The following NCAM2 variants were observed in gnomAD, a reference collection of about 807,000 sequenced individuals.
NCAM2 encodes N-CAM-2.
NCAM2 carries 30 observed loss-of-function variants against 98.1 expected under a neutral mutation model. The ratio of observed to expected loss-of-function variants is 0.31; its 90% CI spans 0.23 to 0.41. NCAM2 has a LOEUF of 0.41. NCAM2 is among the 10% of genes least tolerant of loss of function. NCAM2 has a pLI of 1.00. For missense variants in NCAM2, 867 were observed against 1,005.8 expected, an observed-to-expected ratio of 0.86 and a Z score of 1.87; for synonymous variants, 368 against 342.4, an observed-to-expected ratio of 1.07 and a Z score of -0.83.
intron 1 of NCAM2, among the ~76,000 whole-genome samples, chr21:21,271,081 G>T (rs2072481321): frequency 6.6e-6 from 1 of 151,792 alleles, no homozygotes; most frequent in Non-Finnish European, 1.5e-5. Context: ...GTGTATGTTT[G>T]AAATGAAAAA....
At chr21:21,279,280 C>A (rs1483519686) in intron 1 of NCAM2, among the ~76,000 whole-genome samples, 1 of 152,174 alleles carries the variant, frequency 6.6e-6, no homozygotes, top group Non-Finnish European at 1.5e-5. Context: ...TTGTAATCTC[C>A]CTTCACCATT....
intron 1 of NCAM2, among the ~76,000 whole-genome samples, chr21:21,017,424 CAAAAAAAA>C (rs11461275): frequency 5.1e-5 from 3 of 58,780 alleles, no homozygotes; most frequent in East Asian, 6.3e-4. Flanking sequence ...GACTCTGTCT[CAAAAAAAA>C]AAAAAAAAAA....
intron 5 of NCAM2, among the ~76,000 whole-genome samples, chr21:21,297,454 C>T (rs1235799303): frequency 6.6e-6 from 1 of 151,676 alleles, no homozygotes; most frequent in African/African-American, 2.4e-5. Flanking sequence ...AAATGCTTTC[C>T]TCATATCATC....
chr21:21,336,639 A>G (rs961822347), intron 7 of NCAM2, among the ~76,000 whole-genome samples: 6 of 152,258 alleles, frequency 3.9e-5, no homozygotes, highest in Non-Finnish European at 8.8e-5. Context: ...ATGAATGGTA[A>G]TCCCTGCGTG....
chr21:21,318,599 G>A (rs994505694), intron 5 of NCAM2, among the ~76,000 whole-genome samples: 6 of 152,052 alleles, frequency 3.9e-5, no homozygotes, highest in African/African-American at 9.7e-5. Flanking sequence ...TGTTAGTATA[G>A]AAAATTGTAT....
At chr21:21,498,699 A>G (rs1987421137) in intron 15 of NCAM2, among the ~76,000 whole-genome samples, 1 of 152,222 alleles carries the variant, frequency 6.6e-6, no homozygotes, top group South Asian at 2.1e-4. Context: ...AGATTAGAAC[A>G]CAAAAGAAGT....
At chr21:21,374,501 C>T (rs1026466335) in intron 9 of NCAM2, among the ~76,000 whole-genome samples, 2 of 151,618 alleles carry the variant, frequency 1.3e-5, no homozygotes, top group Non-Finnish European at 2.9e-5. Context: ...TGTTTATTTT[C>T]TGTCTGGAAG....
intron 12 of NCAM2, among the ~76,000 whole-genome samples, chr21:21,449,255 TTATG>T (rs1213664302): frequency 6.6e-6 from 1 of 151,904 alleles, no homozygotes; most frequent in African/African-American, 2.4e-5. Flanking sequence ...TGATATTAAT[TTATG>T]TAAGAAAAAT....
chr21:21,452,637 T>C (rs1981339376), intron 12 of NCAM2, among the ~76,000 whole-genome samples: 2 of 112,100 alleles, frequency 1.8e-5, no homozygotes, highest in Non-Finnish European at 3.3e-5. Context: ...ATATATTATA[T>C]ATTATATATA....
At chr21:21,234,369 T>A (rs187968177) in intron 1 of NCAM2, among the ~76,000 whole-genome samples, 2 of 152,054 alleles carry the variant, frequency 1.3e-5, no homozygotes, top group East Asian at 3.9e-4. Flanking sequence ...ACATAATAGA[T>A]GCATCTTGCT....
At chr21:21,450,396 T>A (rs1980854837) in intron 12 of NCAM2, among the ~76,000 whole-genome samples, 1 of 144,030 alleles carries the variant, frequency 6.9e-6, no homozygotes, top group Non-Finnish European at 1.5e-5. Context: ...CAGGCTGGGG[T>A]ACAGTGGCAC....
In NCAM2 at chr21:21,153,172, A is replaced by ATT. The variant is rs1312165507; in HGVS notation, c.56-127393_56-127392dup. On this transcript the variant is annotated intron_variant, in intron 1 of 17. Coordinates refer to ENST00000400546, the MANE Select transcript of NCAM2 (RefSeq NM_004540.5). ...CATGGCCAGCCATGGAAAATTCACT[A>ATT]TTTTTTTTTTTTTTGTAATAATGTA... 4.7e-3 allele frequency among the ~76,000 whole-genome samples: 660 copies of ATT among 139,626 alleles called. 4 individuals are homozygous for ATT. The highest frequency in any genetic ancestry group is 0.016 in the African/African-American group (620 of 38,494). The allele number at this position is 139,626 out of a possible 152,430, so 91.6% of individuals were successfully genotyped here.
chr21:21,270,613 C>A (rs1299559531), intron 1 of NCAM2, among the ~76,000 whole-genome samples: 3 of 152,106 alleles, frequency 2.0e-5, no homozygotes, highest in Admixed American at 6.6e-5. Context: ...AAATGTATTG[C>A]AGCTATTTAA....
chr21:21,063,428 C>G (rs1379385688), intron 1 of NCAM2, among the ~76,000 whole-genome samples: 2 of 151,672 alleles, frequency 1.3e-5, no homozygotes, highest in Non-Finnish European at 2.9e-5. Flanking sequence ...ACCATGTTGG[C>G]CAGGCTGGTC....
intron 1 of NCAM2, among the ~76,000 whole-genome samples, chr21:21,248,718 A>C (rs1016318050): frequency 8.2e-6 from 1 of 122,574 alleles, no homozygotes; most frequent in African/African-American, 3.1e-5. Flanking sequence ...TGGAGCTTGC[A>C]GTGAGCTGAG....
rs1003675946 is a variant in NCAM2 at position 21,509,914 on chromosome 21, C to A, written c.2282+859C>A. 2.0e-5 allele frequency among the ~76,000 whole-genome samples: 3 copies of A among 152,040 alleles called. No individual in the cohort carries two copies. The East Asian group carries it at 5.8e-4, about 29-fold the overall frequency. ...ACATGTGTGCATTAAACACAGCAAT[C>A]AAAAAATAAACAGTCTTAAGAGTTC... On this transcript the variant is annotated intron_variant, in intron 16 of 17. Transcript: ENST00000400546.
chr21:21,080,280 C>CA (rs2065765125), intron 1 of NCAM2, among the ~76,000 whole-genome samples: 1 of 151,808 alleles, frequency 6.6e-6, no homozygotes, highest in Admixed American at 6.6e-5. Flanking sequence ...ATAAAATGTC[C>CA]AAAAAACCCC....
chr21:21,264,990 G>GTATATATACACATACACATATATAATATA (rs1203072126), intron 1 of NCAM2, among the ~76,000 whole-genome samples: 15 of 81,788 alleles, frequency 1.8e-4, no homozygotes, highest in Non-Finnish European at 3.1e-4. Flanking sequence ...TTATATATGT[G>GTATATATACACATACACATATATAATATA]TATGTGTATA....
intron 2 of NCAM2, among the ~76,000 whole-genome samples, chr21:21,281,118 G>C (rs2072913958): frequency 6.6e-6 from 1 of 151,936 alleles, no homozygotes; most frequent in Non-Finnish European, 1.5e-5. Flanking sequence ...GATTGGAAAA[G>C]TGTTAATAGC....
Sources: gnomAD v4.1 joint callset for allele counts (sites outside exome capture counted in the v4.1 genomes callset) on GRCh38, gnomAD v4.1.1 for gene constraint, MANE v1.5 for transcripts, NCBI Gene and HGNC (gene_info 2026-07-23, HGNC 2026-07-21) for gene names.